ZNF385D: variants seen among roughly 807,000 people sequenced by gnomAD.
ZNF385D encodes zinc finger protein 385D.
Under a neutral mutation model 35.8 loss-of-function variants are expected in ZNF385D, and 15 were observed. The ratio of observed to expected loss-of-function variants is 0.42; its 90% CI spans 0.28 to 0.64. The LOEUF is 0.64. Ranked by LOEUF, ZNF385D falls within the 30% of genes least tolerant of loss-of-function variation. ZNF385D has a pLI of 0.23. For missense variants in ZNF385D, 474 were observed against 494.6 expected (o/e 0.96, Z 0.39); for synonymous variants, 212 against 186.8 (o/e 1.13, Z -1.10).
intron 2 of ZNF385D, among the ~76,000 whole-genome samples, chr3:22,260,474 C>A (rs1022595271): frequency 6.6e-6 from 1 of 151,768 alleles, no homozygotes; most frequent in Non-Finnish European, 1.5e-5. Flanking sequence ...TGTAACAAAT[C>A]TGCACATTCT....
rs138252800 is a variant in ZNF385D, at chr3:21,563,782, A to G, written c.276+792T>C. On this transcript the variant is annotated intron_variant, in intron 3 of 7. Coordinates refer to ENST00000281523, the MANE Select transcript of ZNF385D (RefSeq NM_024697.3). Reference sequence around the variant, plus strand: ...TCCAATCCCTATTCCTTCTAGACCAACGTTGCCTGTCTCTTCTGGAACTCT... The same window carrying G: ...TCCAATCCCTATTCCTTCTAGACCAGCGTTGCCTGTCTCTTCTGGAACTCT... Among the ~76,000 whole-genome samples, 152 of 152,252 alleles carry G rather than the reference A, an allele frequency of 1.0e-3. 1 individual carries two copies. Among genetic ancestry groups the G allele is most frequent in the African/African-American group, 3.4e-3 (141 of 41,550 alleles).
chr3:21,807,776 T>C (rs1262722957), intron 3 of ZNF385D, among the ~76,000 whole-genome samples: 1 of 152,222 alleles, frequency 6.6e-6, no homozygotes, highest in Non-Finnish European at 1.5e-5. Flanking sequence ...TATTTTTCAA[T>C]GGCATCTTCA....
intron 2 of ZNF385D, among the ~76,000 whole-genome samples, chr3:22,231,891 T>A (rs1698914416): frequency 6.6e-6 from 1 of 152,176 alleles, no homozygotes; most frequent in Non-Finnish European, 1.5e-5. Context: ...TCTCACAAGA[T>A]CTGGTTGTTT....
intron 3 of ZNF385D, among the ~76,000 whole-genome samples, chr3:21,757,259 T>C (rs1414627638): frequency 1.3e-5 from 2 of 151,306 alleles, no homozygotes; most frequent in Non-Finnish European, 1.5e-5. Flanking sequence ...AGCCTCACTA[T>C]AGTCACAGCT....
intron 3 of ZNF385D, among the ~76,000 whole-genome samples, chr3:21,910,898 T>G (rs62236551): frequency 2.0e-5 from 3 of 151,914 alleles, no homozygotes; most frequent in Non-Finnish European, 4.4e-5. Context: ...TTTATTATGT[T>G]TGATAACTAT....
At chr3:22,068,311 C>T (rs1700062663) in intron 3 of ZNF385D, among the ~76,000 whole-genome samples, 1 of 152,106 alleles carries the variant, frequency 6.6e-6, no homozygotes, top group Admixed American at 6.6e-5. Flanking sequence ...TACTTTGCAT[C>T]AGTTTTAGTT....
rs1168729541 is a variant in ZNF385D at position 22,348,485 on chromosome 3, T to TAAAAAAAA, written c.106+23957_106+23964dup. The stretch of plus-strand genomic sequence containing the variant: ...CAACATGGAGAAACTCCATCTCTAC[T>TAAAAAAAA]AAAAAAAAAAAAAAAAAAAAAATAC... On this transcript the variant is annotated intron_variant, in intron 2 of 5. Transcript: ENST00000494108. 6.7e-4 allele frequency among the ~76,000 whole-genome samples: 57 copies of TAAAAAAAA among 84,824 alleles called. 1 individual carries two copies. The highest frequency in any genetic ancestry group is 2.1e-3 in the African/African-American group (37 of 17,576). The allele number at this position is 84,824 out of a possible 152,430, so 55.6% of individuals were successfully genotyped here.
At chr3:22,057,432 A>T (rs530891438) in intron 3 of ZNF385D, among the ~76,000 whole-genome samples, 1 of 152,350 alleles carries the variant, frequency 6.6e-6, no homozygotes, top group African/African-American at 2.4e-5. Context: ...CTTTTACTAT[A>T]TCAACTGATA....
rs763690506 is a variant in ZNF385D, at chr3:22,251,396, C to A, written c.107-82361G>T. 2.7e-4 allele frequency among the ~76,000 whole-genome samples: 41 copies of A among 152,136 alleles called. 1 individual carries two copies. Among genetic ancestry groups the A allele is most frequent in the Admixed American group, 9.8e-4 (15 of 15,260 alleles). On this transcript the variant is annotated intron_variant, in intron 2 of 5. Transcript: ENST00000494108. ...AAAAAACAAACAAACAAATATAATA[C>A]CATGTATTACAATGGTTGGTTGTAC...
At chr3:22,333,933 T>A (rs533839160) in intron 2 of ZNF385D, among the ~76,000 whole-genome samples, 1 of 152,328 alleles carries the variant, frequency 6.6e-6, no homozygotes, top group Admixed American at 6.5e-5. Context: ...CTTTTCAAAG[T>A]CCTCAGATAC....
At chr3:22,196,692 T>C (rs1609177) in intron 2 of ZNF385D, among the ~76,000 whole-genome samples, 149,613 of 152,160 alleles carry the variant, frequency 0.98, 73,570 homozygotes, top group East Asian at 1. Context: ...TTGCTCATGT[T>C]TCACTTGTTT....
intron 3 of ZNF385D, among the ~76,000 whole-genome samples, chr3:22,068,773 A>ATTTGCCTTGTG (rs1700089929): frequency 6.6e-6 from 1 of 152,240 alleles, no homozygotes; most frequent in Non-Finnish European, 1.5e-5. Context: ...CTGACACGTG[A>ATTTGCCTTGTG]AGAAAAACAT....
rs182985973 is a variant in ZNF385D, at chr3:22,341,959, C to A, written c.106+30491G>T. Among the ~76,000 whole-genome samples, 3 of 152,192 alleles carry A rather than the reference C, an allele frequency of 2.0e-5. No individual in the cohort carries two copies. The East Asian group carries it at 5.8e-4, about 29-fold the overall frequency. On this transcript the variant is annotated intron_variant, in intron 2 of 5. Coordinates refer to the ZNF385D transcript ENST00000494108. The stretch of plus-strand genomic sequence containing the variant: ...AAAAGTGCCAAGTACATAGTTAACA[C>A]TGAAAACTGTTTAATGAATTAAAAG...
At chr3:21,724,427 T>C (rs556173728) in intron 1 of ZNF385D, among the ~76,000 whole-genome samples, 5 of 118,610 alleles carry the variant, frequency 4.2e-5, no homozygotes, top group African/African-American at 1.7e-4. Context: ...AAGACACACA[T>C]AGGCTCAAAA....
intron 1 of ZNF385D, among the ~76,000 whole-genome samples, chr3:21,731,947 T>A (rs2069017654): frequency 6.6e-6 from 1 of 151,190 alleles, no homozygotes; most frequent in Non-Finnish European, 1.5e-5. Context: ...AATCCATTTA[T>A]CTACTGAAGA....
intron 2 of ZNF385D, among the ~76,000 whole-genome samples, chr3:22,311,201 C>G (rs757743354): frequency 7.2e-5 from 11 of 151,892 alleles, no homozygotes; most frequent in Non-Finnish European, 1.3e-4. Context: ...TTTACTATAT[C>G]CAGATATAAA....
intron 3 of ZNF385D, among the ~76,000 whole-genome samples, chr3:22,149,117 C>T (rs948899915): frequency 2.6e-5 from 4 of 152,236 alleles, no homozygotes; most frequent in South Asian, 4.1e-4. Flanking sequence ...GGATCTCATA[C>T]GCAACCCCGG....
intron 3 of ZNF385D, among the ~76,000 whole-genome samples, chr3:21,969,085 C>T (rs1703083432): frequency 6.6e-6 from 1 of 152,114 alleles, no homozygotes; most frequent in South Asian, 2.1e-4. Context: ...GCAGTAATCT[C>T]CACGGACCTG....
intron 3 of ZNF385D, among the ~76,000 whole-genome samples, chr3:21,513,312 C>T (rs555886931): frequency 6.6e-6 from 1 of 152,184 alleles, no homozygotes; most frequent in African/African-American, 2.4e-5. Context: ...ACAAGTGAAA[C>T]AGCTCAGGGA....
Sources: gnomAD v4.1 joint callset for allele counts (sites outside exome capture counted in the v4.1 genomes callset) on GRCh38, gnomAD v4.1.1 for gene constraint, MANE v1.5 for transcripts, NCBI Gene and HGNC (gene_info 2026-07-23, HGNC 2026-07-21) for gene names.